The following SYNE2 variants were observed in gnomAD, a reference collection of about 807,000 sequenced individuals.
The protein encoded by SYNE2 is spectrin repeat containing nuclear envelope protein 2.
SYNE2 carries 431 observed loss-of-function variants against 856.3 expected under a neutral mutation model. The ratio of observed to expected loss-of-function variants is 0.50; its 90% CI spans 0.47 to 0.55. SYNE2 has a LOEUF of 0.55. Among genes scored for constraint, SYNE2 ranks in the 20% least tolerant of loss-of-function variants. The pLI is 0.00. For synonymous variants in SYNE2, 2,923 were observed against 2,872.3 expected (o/e 1.02, Z -0.56); for missense variants, 8,129 against 8,023.2 (o/e 1.01, Z -0.50).
At chr14:63,930,533 CTTT>C (rs147797429) in intron 2 of SYNE2, among the ~76,000 whole-genome samples, 3 of 128,490 alleles carry the variant, frequency 2.3e-5, no homozygotes, top group African/African-American at 3.5e-5. Context: ...CATTATCCTT[CTTT>C]TTTTTTTTTT....
At chr14:64,182,482 G>A (rs569231305) in intron 96 of SYNE2, among the ~76,000 whole-genome samples, 1 of 152,280 alleles carries the variant, frequency 6.6e-6, no homozygotes, top group South Asian at 2.1e-4. Context: ...GGGAAGGTCA[G>A]CAGATAAACA....
At chr14:64,057,742 A>G (rs1467449687) in intron 49 of SYNE2, among the ~76,000 whole-genome samples, 1 of 152,168 alleles carries the variant, frequency 6.6e-6, no homozygotes, top group Non-Finnish European at 1.5e-5. Flanking sequence ...CACCAACAGC[A>G]TATGAAGATG....
intron 19 of SYNE2, among the ~76,000 whole-genome samples, chr14:63,989,827 T>A (rs768310118): frequency 1.3e-5 from 2 of 151,676 alleles, no homozygotes; most frequent in Non-Finnish European, 2.9e-5. Context: ...ATTTTGTATT[T>A]TTAGTAGAGA....
chr14:64,224,937 T>C, intron 114 of SYNE2, 62 bp from the exon 115 acceptor site: 1 of 1,538,862 alleles, frequency 6.5e-7, no homozygotes, highest in Admixed American at 1.7e-5. Flanking sequence ...TTTTTTTTTT[T>C]TTTATCATTG....
At chr14:64,167,137 C>G in intron 90 of SYNE2, 96 bp from the exon 91 acceptor site, 2 of 1,525,330 alleles carry the variant, frequency 1.3e-6, no homozygotes, top group Middle Eastern at 1.7e-4. Flanking sequence ...CTGTTCAGGC[C>G]CCAGTTTTCC....
Position 64,098,814 on chromosome 14 carries a change from A to T in SYNE2, c.12374A>T (p.Lys4125Met). 6.2e-7 allele frequency: 1 copy of T among 1,614,132 alleles called. No homozygotes were observed. The highest frequency in any genetic ancestry group is 8.5e-7 in the Non-Finnish European group (1 of 1,180,002). Residue 4125 changes from lysine to methionine, a missense_variant, in exon 63 of 116, where the codon AAG becomes ATG. Coordinates refer to ENST00000555002, the MANE Select transcript of SYNE2 (RefSeq NM_182914.3). ...VEEEVEESSVKSDNGDEKAEP... is the reference protein window; with the variant it reads ...VEEEVEESSVMSDNGDEKAEP... ...GAAGAGGTGGAAGAAAGTTCCGTGA[A>T]GAGCGATGTAAGGGAAATGATTTTC...
At chr14:64,115,784 T>TA (rs1345689769) in intron 66 of SYNE2, among the ~76,000 whole-genome samples, 1 of 152,046 alleles carries the variant, frequency 6.6e-6, no homozygotes, top group Non-Finnish European at 1.5e-5. Context: ...TTGAAACATA[T>TA]AAAAACCTTA....
chr14:64,187,885 G>A (rs2098500042), intron 97 of SYNE2, among the ~76,000 whole-genome samples: 1 of 152,172 alleles, frequency 6.6e-6, no homozygotes, highest in Non-Finnish European at 1.5e-5. Flanking sequence ...AGGACCCTTA[G>A]CTGATGTCAG....
intron 8 of SYNE2, chr14:63,960,946 C>A: frequency 3.7e-6 from 2 of 542,074 alleles, no homozygotes; most frequent in South Asian, 5.3e-5. Flanking sequence ...CAGCATTTTA[C>A]AAACTTATTT....
intron 1 of SYNE2, among the ~76,000 whole-genome samples, chr14:63,875,154 C>G (rs1183558914): frequency 6.6e-6 from 1 of 152,004 alleles, no homozygotes; most frequent in Non-Finnish European, 1.5e-5. Context: ...CTCAAGTGAT[C>G]CTCCTGCCTC....
chr14:64,141,249 A>T (rs577266400), intron 80 of SYNE2, 92 bp from the exon 81 acceptor site: 1 of 985,234 alleles, frequency 1.0e-6, no homozygotes, highest in South Asian at 1.5e-5. Context: ...TATATTTACT[A>T]TGTTTATTTG....
chr14:64,149,995 TTTTTTTCTTTTC>T (rs2098224939), intron 84 of SYNE2, among the ~76,000 whole-genome samples: 1 of 145,410 alleles, frequency 6.9e-6, no homozygotes, highest in African/African-American at 2.6e-5. Context: ...CCATGGCTTT[TTTTTTTCTTTTC>T]TTTTTTTTTT....
At chr14:63,867,506 C>T (rs908173355) in intron 1 of SYNE2, among the ~76,000 whole-genome samples, 11 of 151,320 alleles carry the variant, frequency 7.3e-5, no homozygotes, top group East Asian at 2.0e-4. Context: ...GACACCAGCC[C>T]GGCCAACAAG....
chr14:63,817,518 C>T (rs1487187007), intron 1 of SYNE2, among the ~76,000 whole-genome samples: 1 of 151,972 alleles, frequency 6.6e-6, no homozygotes, highest in Non-Finnish European at 1.5e-5. Context: ...AGACGTAGGT[C>T]ATCATTCTCC....
chr14:64,152,501 T>A, intron 84 of SYNE2, 63 bp from the exon 85 acceptor site: 1 of 1,558,960 alleles, frequency 6.4e-7, no homozygotes, highest in Admixed American at 1.7e-5. Flanking sequence ...CTCCTGTCTC[T>A]GACACCTTAT....
chr14:63,892,108 G>T (rs1297206856), intron 1 of SYNE2, among the ~76,000 whole-genome samples: 1 of 152,092 alleles, frequency 6.6e-6, no homozygotes, highest in Non-Finnish European at 1.5e-5. Context: ...ATCTTGGGGA[G>T]ACTAGTGTTT....
chr14:64,125,002 C>T lies in SYNE2; in HGVS notation c.13423-77C>T, dbSNP rs141899962. On this transcript the variant is annotated intron_variant, in intron 70 of 115. Transcript: ENST00000555002. ...TGGGCGACAGAGCAAGACTCCATCT[C>T]GAAAATAAAAAAATAAATTAATTAA... 3.9e-4 allele frequency: 622 copies of T among 1,579,026 alleles called. 3 individuals are homozygous for T. The African/African-American group carries it at 7.5e-3, about 19-fold the overall frequency.
chr14:63,780,886 G>T (rs1336473693), intron 1 of SYNE2, among the ~76,000 whole-genome samples: 4 of 152,132 alleles, frequency 2.6e-5, no homozygotes, highest in East Asian at 3.8e-4. Context: ...TTGGGATGGG[G>T]ATCAACTGAG....
intron 1 of SYNE2, among the ~76,000 whole-genome samples, chr14:63,896,926 T>C (rs2095262094): frequency 1.3e-5 from 2 of 152,166 alleles, no homozygotes; most frequent in African/African-American, 4.8e-5. Flanking sequence ...TTTTGTTCTT[T>C]TACTGTATAT....
Sources: gnomAD v4.1 joint callset for allele counts (sites outside exome capture counted in the v4.1 genomes callset) on GRCh38, gnomAD v4.1.1 for gene constraint, MANE v1.5 for transcripts, NCBI Gene and HGNC (gene_info 2026-07-23, HGNC 2026-07-21) for gene names.